Variants in PID1 observed in about 807,000 individuals in gnomAD.
The protein encoded by PID1 is PTB-containing, cubilin and LRP1-interacting protein.
In PID1, 10 loss-of-function variants were observed where a neutral mutation model predicts 19.1. The observed-to-expected ratio is 0.52, with a 90% confidence interval of 0.32 to 0.89. PID1 has a LOEUF of 0.89. Ranked by LOEUF, PID1 falls within the 40% of genes least tolerant of loss-of-function variation. The pLI is 0.03. For synonymous variants in PID1, 130 were observed against 116.0 expected, an observed-to-expected ratio of 1.12 and a Z score of -0.78; for missense variants, 248 against 285.3, an observed-to-expected ratio of 0.87 and a Z score of 0.94.
At chr2:229,135,998 G>A (rs1042213480) in intron 2 of PID1, among the ~76,000 whole-genome samples, 8 of 152,276 alleles carry the variant, frequency 5.3e-5, no homozygotes, top group Middle Eastern at 3.4e-3. Context: ...AGTATAAGAT[G>A]GATTTGGTTA....
intron 1 of PID1, among the ~76,000 whole-genome samples, chr2:229,228,526 A>G (rs1559294403): frequency 6.6e-6 from 1 of 152,236 alleles, no homozygotes; most frequent in Admixed American, 6.5e-5. Flanking sequence ...ATTTTTTAAA[A>G]GCATGGTGAG....
intron 1 of PID1, among the ~76,000 whole-genome samples, chr2:229,190,899 G>A (rs1691247096): frequency 6.6e-6 from 1 of 152,160 alleles, no homozygotes; most frequent in Non-Finnish European, 1.5e-5. Context: ...ACTGGTTCTT[G>A]ATAGCTAAAA....
At chr2:229,268,243 A>G (rs1486710374) in intron 1 of PID1, among the ~76,000 whole-genome samples, 1 of 152,214 alleles carries the variant, frequency 6.6e-6, no homozygotes, top group Non-Finnish European at 1.5e-5. Context: ...AGAAAATATC[A>G]GCATCATTTT....
At chr2:229,224,181 C>A (rs1692030277) in intron 1 of PID1, among the ~76,000 whole-genome samples, 1 of 152,124 alleles carries the variant, frequency 6.6e-6, no homozygotes, top group South Asian at 2.1e-4. Flanking sequence ...CAAAAAATAA[C>A]CAATGTTGGC....
At chr2:229,215,752 T>C (rs1363808809) in intron 1 of PID1, among the ~76,000 whole-genome samples, 1 of 152,234 alleles carries the variant, frequency 6.6e-6, no homozygotes, top group Admixed American at 6.5e-5. Flanking sequence ...AGAGAAATGT[T>C]ATGATAAAAT....
chr2:229,163,676 C>T (rs150218249), intron 1 of PID1, among the ~76,000 whole-genome samples: 42,669 of 93,010 alleles, frequency 0.46, 7,017 homozygotes, highest in East Asian at 0.76. Context: ...TGTGTGTGTG[C>T]GTGTGCGTGT....
intron 2 of PID1, among the ~76,000 whole-genome samples, chr2:229,115,824 T>C (rs746572577): frequency 2.0e-5 from 3 of 152,226 alleles, no homozygotes; most frequent in Admixed American, 1.3e-4. Flanking sequence ...AGTTACTACA[T>C]TGGTTTTCTA....
At chr2:229,158,962 G>A (rs1019573052) in intron 1 of PID1, among the ~76,000 whole-genome samples, 5 of 151,956 alleles carry the variant, frequency 3.3e-5, no homozygotes, top group Non-Finnish European at 7.4e-5. Flanking sequence ...GGGAAGGCAG[G>A]GATGGTTAAT....
chr2:229,083,815 C>T (rs1237917592), intron 2 of PID1, among the ~76,000 whole-genome samples: 2 of 152,164 alleles, frequency 1.3e-5, no homozygotes, highest in South Asian at 2.1e-4. Flanking sequence ...CCCTTGGTCA[C>T]GTGCAATAGC....
chr2:229,088,414 A>G (rs750438494), intron 2 of PID1, among the ~76,000 whole-genome samples: 4 of 152,184 alleles, frequency 2.6e-5, no homozygotes, highest in Non-Finnish European at 5.9e-5. Context: ...GGCTTAAAAA[A>G]GGAAGAAAAG....
At chr2:229,166,347 T>C (rs1690597006) in intron 1 of PID1, among the ~76,000 whole-genome samples, 1 of 152,194 alleles carries the variant, frequency 6.6e-6, no homozygotes. Context: ...GAAGAAAGCT[T>C]TGTGGCGATG....
At chr2:229,044,974 G>A (rs76218741) in intron 2 of PID1, among the ~76,000 whole-genome samples, 2 of 151,044 alleles carry the variant, frequency 1.3e-5, no homozygotes, top group African/African-American at 4.9e-5. Context: ...TTTTTTTTTA[G>A]ATGGAGTCTC....
At chr2:229,092,904 C>A (rs1443477755) in intron 2 of PID1, among the ~76,000 whole-genome samples, 1 of 152,040 alleles carries the variant, frequency 6.6e-6, no homozygotes, top group Non-Finnish European at 1.5e-5. Flanking sequence ...GTTTAAAGTT[C>A]TTCATCTTTT....
chr2:229,041,006 T>C (rs573337676), intron 2 of PID1, among the ~76,000 whole-genome samples: 69 of 152,288 alleles, frequency 4.5e-4, no homozygotes, highest in African/African-American at 1.6e-3. Flanking sequence ...TTTCAATATA[T>C]CTAGATATGT....
intron 2 of PID1, among the ~76,000 whole-genome samples, chr2:229,074,195 G>C (rs1037220603): frequency 1.3e-5 from 2 of 152,116 alleles, no homozygotes; most frequent in Non-Finnish European, 2.9e-5. Flanking sequence ...GCCACAATCT[G>C]TTCCGTTAAT....
intron 1 of PID1, among the ~76,000 whole-genome samples, chr2:229,185,649 C>T (rs947568470): frequency 6.6e-6 from 1 of 152,200 alleles, no homozygotes; most frequent in African/African-American, 2.4e-5. Context: ...AACTCCCCCT[C>T]ATAATAACCA....
At chr2:229,144,646 A>T (rs1413943306) in intron 2 of PID1, among the ~76,000 whole-genome samples, 2 of 152,160 alleles carry the variant, frequency 1.3e-5, no homozygotes, top group African/African-American at 4.8e-5. Context: ...TTATTGGCCT[A>T]AATCTACATC....
intron 1 of PID1, among the ~76,000 whole-genome samples, chr2:229,199,873 T>C (rs1029860556): frequency 6.6e-6 from 1 of 151,866 alleles, no homozygotes; most frequent in African/African-American, 2.4e-5. Flanking sequence ...ATGAAACACA[T>C]ATAGCAAAGA....
At chr2:229,065,012 C>G (rs1694292376) in intron 2 of PID1, among the ~76,000 whole-genome samples, 1 of 152,076 alleles carries the variant, frequency 6.6e-6, no homozygotes, top group Admixed American at 6.6e-5. Context: ...GAGGCAGGCT[C>G]AAGAGAGTGA....
Sources: gnomAD v4.1 joint callset for allele counts (sites outside exome capture counted in the v4.1 genomes callset) on GRCh38, gnomAD v4.1.1 for gene constraint, MANE v1.5 for transcripts, NCBI Gene and HGNC (gene_info 2026-07-23, HGNC 2026-07-21) for gene names.